The following NCKAP1L variants were observed in gnomAD, a reference collection of about 807,000 sequenced individuals.
The protein encoded by NCKAP1L is nck-associated protein 1-like.
In NCKAP1L, 53 loss-of-function variants were observed where a neutral mutation model predicts 139.2. The observed-to-expected ratio is 0.38, with a 90% CI of 0.31 to 0.48. The LOEUF (loss-of-function observed/expected upper bound fraction) is 0.48, where lower values mean the gene tolerates loss of function less well. NCKAP1L is among the 20% of genes least tolerant of loss of function. NCKAP1L has a pLI of 0.98. For synonymous variants in NCKAP1L, 468 were observed against 499.7 expected (o/e 0.94, Z 0.85); for missense variants, 1,151 against 1,381.9 (o/e 0.83, Z 2.65).
chr12:54,505,172 C>T (rs996315445), intron 3 of NCKAP1L, among the ~76,000 whole-genome samples: 11 of 152,216 alleles, frequency 7.2e-5, no homozygotes, highest in African/African-American at 1.4e-4. Context: ...CCCGGCTCCC[C>T]GCCACATTGC....
chr12:54,500,420 G>T, intron 2 of NCKAP1L, 113 bp from the exon 3 acceptor site: 2 of 735,170 alleles, frequency 2.7e-6, no homozygotes, highest in Admixed American at 1.9e-5. Flanking sequence ...CACTGCGCCC[G>T]GCCTCAACCC....
intron 7 of NCKAP1L, among the ~76,000 whole-genome samples, 188 bp from the exon 8 acceptor site, chr12:54,511,615 C>T (rs532395009): frequency 1.3e-5 from 2 of 152,304 alleles, no homozygotes; most frequent in Non-Finnish European, 2.9e-5. Flanking sequence ...CTGTGTTGCC[C>T]AGGCTGGTCT....
At chr12:54,516,451 T>G (rs1451467740) in intron 10 of NCKAP1L, among the ~76,000 whole-genome samples, 156 bp downstream of exon 10, 71 of 117,942 alleles carry the variant, frequency 6.0e-4, no homozygotes, top group South Asian at 1.3e-3. Flanking sequence ...TTTTCTTTTC[T>G]TTTTTTTTTT....
In NCKAP1L at chr12:54,531,487, A is replaced by G. The variant is rs1255315889; in HGVS notation, c.2605-4A>G. 6.2e-7 allele frequency: 1 copy of G among 1,614,176 alleles called. No homozygotes were observed. Among genetic ancestry groups the G allele is most frequent in the South Asian group, 1.1e-5 (1 of 91,086 alleles). ...CTTAATGTCTCTGTGTTCCTGGACT[A>G]CAGAAGCTGGTGGTGGAAAACATGG... On this transcript the variant is annotated splice_polypyrimidine_tract_variant and splice_region_variant and intron_variant, in intron 23 of 30. Transcript: ENST00000293373.
In NCKAP1L at chr12:54,517,812, T is replaced by C. The variant is rs1340537309; in HGVS notation, c.1212T>C (p.Ile404=). 2 of 1,614,212 alleles carry C rather than the reference T, an allele frequency of 1.2e-6. No homozygotes were observed. Among genetic ancestry groups the C allele is most frequent in the African/African-American group, 1.3e-5 (1 of 75,060 alleles). ...CTCATCCTAAACTTTATAGGAGCAT[T>C]GCAGAGCTACTTTTCTTGTTGGAGG... ...KTPEDYADSS[I]AELLFLLEGI... Residue 404 remains isoleucine, a synonymous_variant, in exon 13 of 31, where the codon ATT becomes ATC. Transcript: ENST00000293373.
intron 3 of NCKAP1L, among the ~76,000 whole-genome samples, chr12:54,506,775 G>T (rs1265741553): frequency 9.5e-5 from 4 of 42,240 alleles, no homozygotes; most frequent in Admixed American, 3.9e-4. Context: ...CAAATCTTTT[G>T]GCAACATATT....
Position 54,519,184 on chromosome 12 carries a change from C to A in NCKAP1L, c.1480-3C>A. On this transcript the variant is annotated splice_polypyrimidine_tract_variant and splice_region_variant and intron_variant, in intron 15 of 30. Coordinates refer to ENST00000293373, the MANE Select transcript of NCKAP1L (RefSeq NM_005337.5). ...CTCCACACTTTCCCAACTCCAACCG[C>A]AGGCATACACTAGCGTGGCTAAGGC... 6.4e-7 allele frequency: 1 copy of A among 1,556,886 alleles called. No homozygotes were observed. Among genetic ancestry groups the A allele is most frequent in the Non-Finnish European group, 8.6e-7 (1 of 1,158,432 alleles).
chr12:54,505,125 T>C (rs1406600709), intron 3 of NCKAP1L, among the ~76,000 whole-genome samples: 1 of 152,208 alleles, frequency 6.6e-6, no homozygotes, highest in Non-Finnish European at 1.5e-5. Context: ...AGTTTCTTTA[T>C]TTTTCTGCAT....
intron 9 of NCKAP1L, among the ~76,000 whole-genome samples, chr12:54,513,263 G>A (rs549027322): frequency 6.6e-6 from 1 of 152,202 alleles, no homozygotes; most frequent in South Asian, 2.1e-4. Flanking sequence ...GAGAGCATGT[G>A]ATAAAAGTAA....
At chr12:54,508,580 T>C (rs747958324) in intron 5 of NCKAP1L, 49 bp downstream of exon 5, 14 of 1,577,902 alleles carry the variant, frequency 8.9e-6, no homozygotes, top group South Asian at 1.1e-5. Context: ...CATGGTGCTA[T>C]GATGTAGAGA....
At chr12:54,527,716 T>C (rs1249308871) in intron 21 of NCKAP1L, among the ~76,000 whole-genome samples, 4 of 152,170 alleles carry the variant, frequency 2.6e-5, no homozygotes, top group African/African-American at 4.8e-5. Context: ...CCAGAGCAAG[T>C]GCCTGGGAGA....
intron 19 of NCKAP1L, 67 bp downstream of exon 19, chr12:54,523,606 A>G: frequency 6.5e-7 from 1 of 1,542,596 alleles, no homozygotes; most frequent in Non-Finnish European, 8.7e-7. Context: ...GGAAAGAGGG[A>G]AGGTGACACA....
rs182282128 is a variant in NCKAP1L, at chr12:54,510,538, T to G, written c.735+553T>G. 4.2e-3 allele frequency: 714 copies of G among 171,036 alleles called. 16 individuals carry two copies. Among genetic ancestry groups the G allele is most frequent in the Non-Finnish European group, 1.1e-3 (86 of 78,816 alleles). 10.6% of individuals were successfully genotyped at this position (171,036 alleles called of 1,614,324 possible). A position where few individuals can be genotyped will look rare whatever the true frequency, so the allele number is the denominator to read the frequency against. Reference sequence around the variant, plus strand: ...TTTAATTTTTATTTTTGAGACAGAGTCTCACTCTGTCGCCCAGGCTGGAGG... The same window carrying G: ...TTTAATTTTTATTTTTGAGACAGAGGCTCACTCTGTCGCCCAGGCTGGAGG... On this transcript the variant is annotated intron_variant, in intron 7 of 30. Transcript: ENST00000293373.
intron 30 of NCKAP1L, among the ~76,000 whole-genome samples, chr12:54,542,170 G>A (rs1040267265): frequency 1.3e-5 from 2 of 152,108 alleles, no homozygotes; most frequent in Non-Finnish European, 2.9e-5. Flanking sequence ...GCCCCCTTCC[G>A]TGGCCTGCAG....
intron 3 of NCKAP1L, among the ~76,000 whole-genome samples, chr12:54,501,800 T>C (rs1196136031): frequency 1.3e-5 from 2 of 152,218 alleles, no homozygotes; most frequent in African/African-American, 4.8e-5. Context: ...TTTTAACTTT[T>C]TGAGGAACTG....
At chr12:54,531,090 T>A (rs1592350524) in intron 22 of NCKAP1L, among the ~76,000 whole-genome samples, 170 bp from the exon 23 acceptor site, 1 of 152,248 alleles carries the variant, frequency 6.6e-6, no homozygotes, top group Admixed American at 6.5e-5. Flanking sequence ...CCCATGGACT[T>A]GCCAGACTTG....
At chr12:54,518,541 T>C in intron 13 of NCKAP1L, 110 bp from the exon 14 acceptor site, 1 of 886,164 alleles carries the variant, frequency 1.1e-6, no homozygotes, top group South Asian at 1.3e-5. Flanking sequence ...TCTCTGTTTT[T>C]AACACTTAGC....
intron 5 of NCKAP1L, among the ~76,000 whole-genome samples, chr12:54,509,345 G>T (rs765778720): frequency 1.3e-5 from 2 of 152,206 alleles, no homozygotes; most frequent in African/African-American, 4.8e-5. Context: ...GTTGTATAAC[G>T]ATTTGAATCT....
chr12:54,528,169 C>T (rs1187065695), intron 21 of NCKAP1L, 78 bp from the exon 22 acceptor site: 4 of 1,522,352 alleles, frequency 2.6e-6, no homozygotes, highest in Non-Finnish European at 2.7e-6. Context: ...TCTTTCTGAG[C>T]TCAGTGGTAG....
Sources: gnomAD v4.1 joint callset for allele counts (sites outside exome capture counted in the v4.1 genomes callset) on GRCh38, gnomAD v4.1.1 for gene constraint, MANE v1.5 for transcripts, NCBI Gene and HGNC (gene_info 2026-07-23, HGNC 2026-07-21) for gene names.